The following DPYD variants were observed in gnomAD, a reference collection of about 807,000 sequenced individuals.
The protein encoded by DPYD is dihydropyrimidine dehydrogenase [NADP(+)].
DPYD carries 109 observed loss-of-function variants against 116.2 expected under a neutral mutation model. That is an observed-to-expected ratio of 0.94 (90% confidence interval 0.80 to 1.10). The LOEUF (loss-of-function observed/expected upper bound fraction) is 1.10, where lower values mean the gene tolerates loss of function less well. Among genes scored for constraint, DPYD ranks in the 50% least tolerant of loss-of-function variants. DPYD has a pLI of 0.00. For synonymous variants in DPYD, 440 were observed against 432.0 expected (o/e 1.02, Z -0.23); for missense variants, 1,302 against 1,254.5 (o/e 1.04, Z -0.57).
At chr1:97,439,617 A>T (rs2101755402) in intron 14 of DPYD, among the ~76,000 whole-genome samples, 1 of 152,042 alleles carries the variant, frequency 6.6e-6, no homozygotes, top group African/African-American at 2.4e-5. Context: ...TTTCCTGATC[A>T]GTCTGGCTAA....
At chr1:97,857,857 C>A (rs1363873063) in intron 2 of DPYD, among the ~76,000 whole-genome samples, 1 of 151,934 alleles carries the variant, frequency 6.6e-6, no homozygotes, top group African/African-American at 2.4e-5. Context: ...GAGGCCTGAG[C>A]CTTCAGCTTG....
chr1:97,253,645 T>G (rs972020761), intron 18 of DPYD, among the ~76,000 whole-genome samples: 2 of 152,140 alleles, frequency 1.3e-5, no homozygotes, highest in Admixed American at 1.3e-4. Flanking sequence ...CACAAAAACT[T>G]TCCAACACAA....
At chr1:97,855,407 G>T (rs1670780530) in intron 2 of DPYD, 1 of 151,964 alleles carries the variant, frequency 6.6e-6, no homozygotes, top group Admixed American at 6.6e-5. Context: ...TGTCACTTTA[G>T]AAGAAAAAAC....
At chr1:97,898,648 T>C (rs1021673432) in intron 1 of DPYD, among the ~76,000 whole-genome samples, 4 of 151,928 alleles carry the variant, frequency 2.6e-5, no homozygotes, top group African/African-American at 7.2e-5. Flanking sequence ...TCCTGAGCAA[T>C]ATGGTTTGAC....
intron 6 of DPYD, among the ~76,000 whole-genome samples, chr1:97,692,354 G>A (rs1661052449): frequency 6.6e-6 from 1 of 151,070 alleles, no homozygotes; most frequent in Admixed American, 6.6e-5. Flanking sequence ...TTCTGTGAAA[G>A]CAATGAGTAT....
intron 19 of DPYD, among the ~76,000 whole-genome samples, chr1:97,207,274 C>G (rs985345266): frequency 1.3e-5 from 2 of 152,158 alleles, no homozygotes; most frequent in Admixed American, 1.3e-4. Context: ...CAAGAGAATA[C>G]TTTTCTCTCA....
At chr1:97,790,877 T>C (rs1667288795) in intron 3 of DPYD, among the ~76,000 whole-genome samples, 1 of 152,222 alleles carries the variant, frequency 6.6e-6, no homozygotes, top group Admixed American at 6.5e-5. Context: ...TTCACGTCCT[T>C]ATTTGCTTTA....
At chr1:97,713,782 T>A (rs1029505547) in intron 5 of DPYD, among the ~76,000 whole-genome samples, 7 of 152,080 alleles carry the variant, frequency 4.6e-5, no homozygotes, top group South Asian at 2.1e-4. Flanking sequence ...TTCACCTTTG[T>A]GTTTGAGGGT....
rs111385124 is a variant in DPYD, at chr1:97,351,234, C to T, written c.2058+22327G>A. ...GAAGTTTGAAATATGTAAGATCTAACATGAACATTCCACTGCATCTGGAAG... is the reference window on the plus strand; with the variant it reads ...GAAGTTTGAAATATGTAAGATCTAATATGAACATTCCACTGCATCTGGAAG... On this transcript the variant is annotated intron_variant, in intron 16 of 22. Transcript: ENST00000370192. Among the ~76,000 whole-genome samples, 1,184 of 152,162 alleles carry T rather than the reference C, an allele frequency of 7.8e-3. 17 individuals carry two copies. Among genetic ancestry groups the T allele is most frequent in the African/African-American group, 0.027 (1,127 of 41,512 alleles).
chr1:97,905,030 T>G (rs187742085), intron 1 of DPYD, among the ~76,000 whole-genome samples: 2 of 152,162 alleles, frequency 1.3e-5, no homozygotes, highest in African/African-American at 4.8e-5. Flanking sequence ...TTATATTTAT[T>G]TTAAGCCCAA....
intron 18 of DPYD, among the ~76,000 whole-genome samples, chr1:97,276,539 C>A (rs889635802): frequency 1.3e-5 from 2 of 151,654 alleles, no homozygotes; most frequent in Non-Finnish European, 2.9e-5. Flanking sequence ...AAGTGGGCAA[C>A]AATGAAAAAA....
At chr1:97,798,026 T>G (rs1667664342) in intron 3 of DPYD, 1 of 152,058 alleles carries the variant, frequency 6.6e-6, no homozygotes, top group African/African-American at 2.4e-5. Flanking sequence ...TTCAGAAGAG[T>G]TAAGTCACAG....
At chr1:97,368,018 T>C (rs1671128079) in intron 16 of DPYD, among the ~76,000 whole-genome samples, 1 of 152,110 alleles carries the variant, frequency 6.6e-6, no homozygotes, top group Non-Finnish European at 1.5e-5. Context: ...TGAATTAGAA[T>C]GTCATTTGAA....
intron 2 of DPYD, among the ~76,000 whole-genome samples, chr1:97,864,220 C>A (rs1167152130): frequency 1.3e-5 from 2 of 151,784 alleles, no homozygotes. Context: ...ACTTAATAAG[C>A]CCTCAACAGA....
intron 20 of DPYD, among the ~76,000 whole-genome samples, chr1:97,170,621 T>G (rs965477248): frequency 2.0e-5 from 3 of 152,080 alleles, no homozygotes; most frequent in African/African-American, 4.8e-5. Flanking sequence ...CCTGAAGGTC[T>G]TCTCTTCTTC....
At chr1:97,663,918 A>AAC (rs1213418937) in intron 8 of DPYD, among the ~76,000 whole-genome samples, 1 of 152,222 alleles carries the variant, frequency 6.6e-6, no homozygotes, top group Non-Finnish European at 1.5e-5. Flanking sequence ...AATGAATAGA[A>AAC]ATATATACAT....
At chr1:97,855,931 C>G (rs1333974413) in intron 2 of DPYD, 1 of 152,144 alleles carries the variant, frequency 6.6e-6, no homozygotes, top group East Asian at 1.9e-4. Context: ...TGTGTGAACA[C>G]AAGTTAAAGG....
intron 15 of DPYD, among the ~76,000 whole-genome samples, chr1:97,374,363 GA>G (rs1186755562): frequency 6.6e-6 from 1 of 152,062 alleles, no homozygotes; most frequent in Non-Finnish European, 1.5e-5. Context: ...GGAATACTTT[GA>G]GAATCTTAGA....
chr1:97,407,230 T>A (rs1239385233), intron 14 of DPYD, among the ~76,000 whole-genome samples: 1 of 152,178 alleles, frequency 6.6e-6, no homozygotes, highest in Non-Finnish European at 1.5e-5. Context: ...ATGCACAACA[T>A]CAAATAGTCT....
Sources: gnomAD v4.1 joint callset for allele counts (sites outside exome capture counted in the v4.1 genomes callset) on GRCh38, gnomAD v4.1.1 for gene constraint, MANE v1.5 for transcripts, NCBI Gene and HGNC (gene_info 2026-07-23, HGNC 2026-07-21) for gene names.